GRID2: variants seen among roughly 807,000 people sequenced by gnomAD.
The protein encoded by GRID2 is glutamate receptor ionotropic, delta-2.
Under a neutral mutation model 114.8 loss-of-function variants are expected in GRID2, and 33 were observed. The ratio of observed to expected loss-of-function variants is 0.29; its 90% CI spans 0.22 to 0.38. The LOEUF (loss-of-function observed/expected upper bound fraction) is 0.38, where lower values mean the gene tolerates loss of function less well. Ranked by LOEUF, GRID2 falls within the 10% of genes least tolerant of loss-of-function variation. The pLI, the probability that GRID2 is intolerant of heterozygous loss-of-function variation, is 1.00. For synonymous variants in GRID2, 505 were observed against 449.9 expected (o/e 1.12, Z -1.55); for missense variants, 1,184 against 1,257.7 (o/e 0.94, Z 0.89).
chr4:93,135,068 G>A (rs921468015), intron 4 of GRID2, among the ~76,000 whole-genome samples: 1 of 152,150 alleles, frequency 6.6e-6, no homozygotes, highest in African/African-American at 2.4e-5. Flanking sequence ...ATAAACTAAA[G>A]AAGGTATTTA....
intron 12 of GRID2, among the ~76,000 whole-genome samples, chr4:93,495,524 G>A (rs1727444386): frequency 6.6e-6 from 1 of 151,700 alleles, no homozygotes; most frequent in Non-Finnish European, 1.5e-5. Context: ...AATCATCGAG[G>A]GCATGGTAAG....
intron 1 of GRID2, among the ~76,000 whole-genome samples, chr4:92,567,421 C>T (rs757564937): frequency 9.2e-5 from 14 of 151,966 alleles, no homozygotes; most frequent in South Asian, 6.2e-4. Context: ...CTTAGATTCA[C>T]GGCATATTTG....
intron 1 of GRID2, among the ~76,000 whole-genome samples, chr4:92,530,437 C>A (rs958831294): frequency 7.0e-6 from 1 of 141,856 alleles, no homozygotes; most frequent in African/African-American, 2.6e-5. Flanking sequence ...ATCTAATTAC[C>A]AACTTATGGA....
chr4:92,792,238 G>C (rs1357032735), intron 2 of GRID2, among the ~76,000 whole-genome samples: 2 of 151,716 alleles, frequency 1.3e-5, no homozygotes, highest in East Asian at 3.9e-4. Flanking sequence ...AGTTATGTAA[G>C]GACTCCAGTG....
intron 8 of GRID2, among the ~76,000 whole-genome samples, chr4:93,247,821 G>T (rs977135311): frequency 6.6e-6 from 1 of 151,924 alleles, no homozygotes; most frequent in African/African-American, 2.4e-5. Flanking sequence ...ATCTTACCAC[G>T]TTTGAGGGAA....
At chr4:93,768,288 A>C (rs1733834217) in intron 14 of GRID2, among the ~76,000 whole-genome samples, 1 of 152,218 alleles carries the variant, frequency 6.6e-6, no homozygotes, top group Admixed American at 6.5e-5. Flanking sequence ...CACTCTGTAC[A>C]GGCACACAGC....
intron 2 of GRID2, among the ~76,000 whole-genome samples, chr4:92,887,657 A>G (rs185168759): frequency 6.6e-6 from 1 of 152,370 alleles, no homozygotes; most frequent in East Asian, 1.9e-4. Context: ...AAAGTAGAGT[A>G]GAGGAAGCAC....
At chr4:92,865,471 ATTC>A (rs1257132153) in intron 2 of GRID2, among the ~76,000 whole-genome samples, 3 of 152,214 alleles carry the variant, frequency 2.0e-5, no homozygotes, top group Non-Finnish European at 4.4e-5. Flanking sequence ...AATTAATTGT[ATTC>A]TTCTGCCAGT....
chr4:93,005,189 G>A (rs1220053383), intron 2 of GRID2, among the ~76,000 whole-genome samples: 4 of 151,996 alleles, frequency 2.6e-5, no homozygotes, highest in Non-Finnish European at 5.9e-5. Flanking sequence ...TTATAAACCT[G>A]TTCCTCTCTT....
chr4:93,464,062 A>AGAAAG (rs1724034275), intron 11 of GRID2, among the ~76,000 whole-genome samples: 1 of 152,154 alleles, frequency 6.6e-6, no homozygotes, highest in South Asian at 2.1e-4. Context: ...AGTAGAACTC[A>AGAAAG]GTGTTTTTAC....
intron 1 of GRID2, among the ~76,000 whole-genome samples, chr4:92,444,973 ATTTG>A (rs374564436): frequency 1.8e-4 from 28 of 151,704 alleles, no homozygotes; most frequent in East Asian, 9.7e-4. Context: ...CGTATGCCAT[ATTTG>A]TTTGTTTGTT....
chr4:93,620,648 C>T (rs574526923), intron 13 of GRID2, among the ~76,000 whole-genome samples: 9 of 152,272 alleles, frequency 5.9e-5, no homozygotes, highest in Admixed American at 1.3e-4. Context: ...TGAAAATGCA[C>T]TTTCCCATTC....
chr4:92,625,019 G>A (rs1010819960), intron 2 of GRID2, among the ~76,000 whole-genome samples: 6 of 151,610 alleles, frequency 4.0e-5, no homozygotes, highest in Non-Finnish European at 8.9e-5. Flanking sequence ...TACCTTTTTA[G>A]AGTAATTCAT....
chr4:93,503,546 A>T (rs892402147), intron 12 of GRID2, among the ~76,000 whole-genome samples: 1 of 136,452 alleles, frequency 7.3e-6, no homozygotes, highest in Non-Finnish European at 1.5e-5. Flanking sequence ...TCATTGTTCA[A>T]TTCCCACCTA....
Position 92,522,371 on chromosome 4 carries a change from C to A in GRID2, c.89-67760C>A, listed in dbSNP as rs151182047. On this transcript the variant is annotated intron_variant, in intron 1 of 15. Transcript: ENST00000282020. ...GAACAGAGAGCAAGACGATGCAGGGCGTTATAAGCCATTGTGACAACTTAC... is the reference window on the plus strand; with the variant it reads ...GAACAGAGAGCAAGACGATGCAGGGAGTTATAAGCCATTGTGACAACTTAC... Among the ~76,000 whole-genome samples the A allele has an allele frequency of 1.8e-3, 281 of 151,926 alleles. 2 individuals carry two copies. Among genetic ancestry groups the A allele is most frequent in the Admixed American group, 5.3e-3 (81 of 15,206 alleles).
intron 8 of GRID2, chr4:93,306,083 C>G (rs188897501): frequency 2.0e-5 from 3 of 152,270 alleles, no homozygotes; most frequent in East Asian, 3.9e-4. Flanking sequence ...TACGATTTTT[C>G]TTTTCAATGT....
At chr4:93,114,665 T>C (rs985671743) in intron 4 of GRID2, among the ~76,000 whole-genome samples, 2 of 152,170 alleles carry the variant, frequency 1.3e-5, no homozygotes, top group African/African-American at 4.8e-5. Context: ...TCTCAATTAG[T>C]TGTTCTCAGA....
At chr4:93,200,502 C>G (rs545987516) in intron 4 of GRID2, among the ~76,000 whole-genome samples, 5 of 152,046 alleles carry the variant, frequency 3.3e-5, no homozygotes, top group African/African-American at 1.2e-4. Context: ...GGAGGTGGAG[C>G]TTGCAGTGAG....
rs1748878754 is a variant in GRID2 at position 92,917,184 on chromosome 4, T to C, written c.245-167811T>C. 2.0e-5 allele frequency among the ~76,000 whole-genome samples: 3 copies of C among 152,220 alleles called. No homozygotes were observed. In the South Asian group the frequency reaches 6.2e-4, roughly 31 times the overall value. ...TTTTGAGAAGTGTCTGTTCATATCC[T>C]TCGCCCACGTGGTGATGGGGTTGTT... On this transcript the variant is annotated intron_variant, in intron 2 of 15. Transcript: ENST00000282020.
Sources: allele counts gnomAD v4.1 joint callset (sites outside exome capture counted in the v4.1 genomes callset), GRCh38; gene constraint gnomAD v4.1.1; transcripts MANE v1.5; gene names NCBI Gene and HGNC (gene_info 2026-07-23, HGNC 2026-07-21).